The following VCAM1 variants were observed in gnomAD, a reference collection of about 807,000 sequenced individuals.
The protein encoded by VCAM1 is vascular cell adhesion molecule 1.
In VCAM1, 41 loss-of-function variants were observed where a neutral mutation model predicts 63.8. The observed-to-expected ratio is 0.64, with a 90% CI of 0.50 to 0.83. VCAM1 has a LOEUF of 0.83. Ranked by LOEUF, VCAM1 falls within the 40% of genes least tolerant of loss-of-function variation. The pLI is 0.00. For synonymous variants in VCAM1, 338 were observed against 320.7 expected, an observed-to-expected ratio of 1.05 and a Z score of -0.58; for missense variants, 798 against 875.5, an observed-to-expected ratio of 0.91 and a Z score of 1.12.
Position 100,738,636 on chromosome 1 carries a change from T to G in VCAM1, c.*353T>G, listed in dbSNP as rs1176102510. The stretch of plus-strand genomic sequence containing the variant: ...AAAATAACTAGTGTTGCTTGGACTA[T>G]TATAATTTAATGCATGTTAGGAAAA... On this transcript the variant is annotated 3_prime_UTR_variant, in exon 9 of 9. Coordinates refer to ENST00000294728, the MANE Select transcript of VCAM1 (RefSeq NM_001078.4). 6.4e-6 allele frequency: 1 copy of G among 156,276 alleles called. No individual in the cohort carries two copies. The highest frequency in any genetic ancestry group is 1.4e-5 in the Non-Finnish European group (1 of 70,528). 9.7% of individuals were successfully genotyped at this position (156,276 alleles called of 1,614,324 possible). A position where few individuals can be genotyped will look rare whatever the true frequency, so the allele number is the denominator to read the frequency against.
chr1:100,724,982 T>A, intron 4 of VCAM1, 92 bp downstream of exon 4: 1 of 1,483,134 alleles, frequency 6.7e-7, no homozygotes, highest in Non-Finnish European at 9.1e-7. Context: ...TTGCTTCCCT[T>A]AGTTTCACTG....
At position 100,731,981 on chromosome 1, in the gene VCAM1, G is replaced by A. The variant is rs1384480039; in HGVS notation, c.1526-437G>A. ...AATGAAAGCAGCCTCTTCAAGGCCT[G>A]GGTTTGGAAGTCCTACAGTGTTACT... On this transcript the variant is annotated intron_variant, in intron 6 of 8. Transcript: ENST00000294728. The surrounding 1 kb of genome is among the most constrained non-coding windows in gnomAD (Gnocchi z 4.2). Among the ~76,000 whole-genome samples, 3 of 152,188 alleles carry A rather than the reference G, an allele frequency of 2.0e-5. No homozygotes were observed. Among genetic ancestry groups the A allele is most frequent in the Non-Finnish European group, 4.4e-5 (3 of 68,036 alleles).
In VCAM1 at chr1:100,731,469, G is replaced by A; in HGVS notation, c.1476G>A (p.Met492Ile). The A allele has an allele frequency of 6.2e-7, 1 of 1,613,576 alleles. No individual in the cohort carries two copies. Among genetic ancestry groups the A allele is most frequent in the East Asian group, 2.2e-5 (1 of 44,862 alleles). ...AGGCTAAGTTACATATTGATGACAT[G>A]GAATTCGAACCCAAACAAAGGCAGA... ...VCQAKLHIDDMEFEPKQRQST... is the reference protein window; with the variant it reads ...VCQAKLHIDDIEFEPKQRQST... Residue 492 changes from methionine to isoleucine, a missense_variant, in exon 6 of 9, where the codon ATG becomes ATA. By Grantham distance (10) the Met-to-Ile change is conservative (BLOSUM62 1). Transcript: ENST00000294728. The surrounding 1 kb of genome is among the most constrained non-coding windows in gnomAD (Gnocchi z 4.2).
intron 7 of VCAM1, among the ~76,000 whole-genome samples, chr1:100,733,012 A>G (rs1571461266): frequency 6.6e-6 from 1 of 152,212 alleles, no homozygotes; most frequent in Non-Finnish European, 1.5e-5. Context: ...ATTTGGGATT[A>G]TGTAGGATTA....
At chr1:100,721,663 A>C (rs3176860) in intron 2 of VCAM1, among the ~76,000 whole-genome samples, 2 of 151,768 alleles carry the variant, frequency 1.3e-5, no homozygotes, top group African/African-American at 4.8e-5. Flanking sequence ...TCTGCAACAA[A>C]CCGCATGTGT....
chr1:100,726,586 A>G (rs3917011), intron 4 of VCAM1, among the ~76,000 whole-genome samples: 2,685 of 152,094 alleles, frequency 0.018, 39 homozygotes, highest in Non-Finnish European at 0.027. Flanking sequence ...CCAGTTCCAG[A>G]CTGTGTCAGA....
At position 100,724,810 on chromosome 1, in the gene VCAM1, T is replaced by C. The variant is rs1000371179; in HGVS notation, c.848T>C (p.Met283Thr). The C allele has an allele frequency of 6.2e-7, 1 of 1,612,828 alleles. No individual in the cohort carries two copies. The highest frequency in any genetic ancestry group is 8.5e-7 in the Non-Finnish European group (1 of 1,179,384). ...ACTCTCACCTTAATTGCTATGAGGATGGAAGATTCTGGAATTTATGTGTGT... is the reference window on the plus strand; with the variant it reads ...ACTCTCACCTTAATTGCTATGAGGACGGAAGATTCTGGAATTTATGTGTGT... ...NATLTLIAMRMEDSGIYVCEG... is the reference protein window; with the variant it reads ...NATLTLIAMRTEDSGIYVCEG... The change falls in exon 4 of 9, where the codon ATG becomes ACG. Residue 283 changes from methionine (M) to threonine (T), a missense_variant. Coordinates refer to ENST00000294728, the MANE Select transcript of VCAM1 (RefSeq NM_001078.4).
intron 7 of VCAM1, 97 bp from the exon 8 acceptor site, chr1:100,734,405 A>G (rs1268511047): frequency 2.2e-6 from 3 of 1,353,092 alleles, no homozygotes; most frequent in South Asian, 2.9e-5. Context: ...GCTAAGCACA[A>G]ATAGCTCCAG....
At position 100,731,456 on chromosome 1, in the gene VCAM1, A is replaced by G. The variant is rs34199378; in HGVS notation, c.1463A>G (p.His488Arg). The change falls in exon 6 of 9, where the codon CAT becomes CGT. Residue 488 changes from histidine to arginine, a missense_variant. Physicochemically the swap from His to Arg is conservative, Grantham distance 29 (BLOSUM62 0). Transcript: ENST00000294728. The surrounding 1 kb of genome is among the most constrained non-coding windows in gnomAD (Gnocchi z 4.2). Reference protein sequence around the residue: ...GKALVCQAKLHIDDMEFEPKQ... With the variant: ...GKALVCQAKLRIDDMEFEPKQ... The stretch of plus-strand genomic sequence containing the variant: ...GCTCTTGTTTGTCAGGCTAAGTTAC[A>G]TATTGATGACATGGAATTCGAACCC... 2.1e-3 allele frequency: 3,402 copies of G among 1,613,748 alleles called. 114 individuals are homozygous for G. The Admixed American group carries it at 0.053, about 25-fold the overall frequency.
chr1:100,738,248 T>C lies in VCAM1; in HGVS notation c.2185T>C (p.Tyr729His). The C allele has an allele frequency of 6.2e-7, 1 of 1,613,686 alleles. No homozygotes were observed. ...AAGAAAAGCCAACATGAAGGGGTCATATAGTCTTGTAGAAGCACAGAAGTC... is the reference window on the plus strand; with the variant it reads ...AAGAAAAGCCAACATGAAGGGGTCACATAGTCTTGTAGAAGCACAGAAGTC... Reference protein sequence around the residue: ...FARKANMKGSYSLVEAQKSKV With the variant: ...FARKANMKGSHSLVEAQKSKV Residue 729 changes from tyrosine to histidine, a missense_variant, in exon 9 of 9, where the codon TAT (tyrosine) becomes CAT (histidine). By Grantham distance (83) the Tyr-to-His change is moderately conservative (BLOSUM62 2). Transcript: ENST00000294728.
chr1:100,720,621 G>C lies in VCAM1; in HGVS notation c.210G>C (p.Lys70Asn). ...RTQIDSPLNG[K>N]VTNEGTTSTL... ...AGATAGATAGTCCACTGAATGGGAA[G>C]GTGACGAATGAGGGGACCACATCTA... The change falls in exon 2 of 9, where the codon AAG becomes AAC. Residue 70 changes from lysine to asparagine, a missense_variant. Transcript: ENST00000294728. The C allele has an allele frequency of 6.2e-7, 1 of 1,613,208 alleles. No individual in the cohort carries two copies. The highest frequency in any genetic ancestry group is 8.5e-7 in the Non-Finnish European group (1 of 1,179,530).
rs1233606343 is a variant in VCAM1 at position 100,719,977 on chromosome 1, G to A, written c.64+53G>A. 1.3e-5 allele frequency: 20 copies of A among 1,583,612 alleles called. 1 individual carries two copies. In the South Asian group the frequency reaches 2.0e-4, roughly 16 times the overall value. On this transcript the variant is annotated intron_variant, in intron 1 of 8. Coordinates refer to ENST00000294728, the MANE Select transcript of VCAM1 (RefSeq NM_001078.4). ...AATGTTAGCATTCAATTTTAGCCCT[G>A]GTTTTGGCTTCAGTCAGTTTTGCGA...
At chr1:100,730,807 A>G (rs1034101563) in intron 5 of VCAM1, among the ~76,000 whole-genome samples, 2 of 152,176 alleles carry the variant, frequency 1.3e-5, no homozygotes, top group Non-Finnish European at 2.9e-5. Flanking sequence ...AATGAATATT[A>G]GGGGACTAGT....
At chr1:100,734,959 G>A (rs1290798332) in intron 8 of VCAM1, among the ~76,000 whole-genome samples, 191 bp downstream of exon 8, 1 of 152,118 alleles carries the variant, frequency 6.6e-6, no homozygotes, top group Non-Finnish European at 1.5e-5. Context: ...TTAATCATTC[G>A]TGACTGAGGA....
At chr1:100,724,519 T>A (rs1007202272) in intron 3 of VCAM1, 105 bp from the exon 4 acceptor site, 80 of 1,347,576 alleles carry the variant, frequency 5.9e-5, no homozygotes, top group Non-Finnish European at 8.0e-5. Flanking sequence ...GGCAGAGTAA[T>A]TTCATCAAAT....
At chr1:100,726,677 T>C (rs1660172211) in intron 4 of VCAM1, among the ~76,000 whole-genome samples, 1 of 152,050 alleles carries the variant, frequency 6.6e-6, no homozygotes, top group African/African-American at 2.4e-5. Context: ...TCAACAAATA[T>C]TAAGAGCCCT....
At position 100,729,304 on chromosome 1, in the gene VCAM1, G is replaced by A; in HGVS notation, c.1126G>A (p.Glu376Lys). The A allele has an allele frequency of 6.2e-7, 1 of 1,613,454 alleles. No individual in the cohort carries two copies. The change falls in exon 5 of 9, where the codon GAG becomes AAG. Residue 376 changes from glutamate to lysine, a missense_variant. By Grantham distance (56) the Glu-to-Lys change is moderately conservative (BLOSUM62 1). Transcript: ENST00000294728. ...STLTLSPVSF[E>K]NEHSYLCTVT... ...GCTGACCCTGAGCCCTGTGAGTTTT[G>A]AGAACGAACACTCTTATCTGTGCAC...
At position 100,729,133 on chromosome 1, in the gene VCAM1, C is replaced by T; in HGVS notation, c.955C>T (p.Pro319Ser). 1 of 1,603,456 alleles carries T rather than the reference C, an allele frequency of 6.2e-7. No homozygotes were observed. Among genetic ancestry groups the T allele is most frequent in the South Asian group, 1.1e-5 (1 of 89,626 alleles). Residue 319 changes from proline (P) to serine (S), a missense_variant, in exon 5 of 9, where the codon CCT becomes TCT. Transcript: ENST00000294728. ...GAAACCATTTACTGTTGAGATCTCC[C>T]CTGGACCCCGGATTGCTGCTCAGAT... ...QEKPFTVEIS[P>S]GPRIAAQIGD...
intron 8 of VCAM1, 116 bp downstream of exon 8, chr1:100,734,884 TA>T: frequency 7.7e-7 from 1 of 1,302,422 alleles, no homozygotes; most frequent in South Asian, 1.5e-5. Context: ...GTTTATTTCT[TA>T]AGGATTCTTG....
Sources: allele counts gnomAD v4.1 joint callset (sites outside exome capture counted in the v4.1 genomes callset), GRCh38; gene constraint gnomAD v4.1.1; non-coding constraint Gnocchi (gnomAD v3.1); transcripts MANE v1.5; gene names NCBI Gene and HGNC (gene_info 2026-07-23, HGNC 2026-07-21).